Variants in RPGR observed in about 807,000 individuals in gnomAD.
RPGR encodes the protein X-linked retinitis pigmentosa GTPase regulator.
Under a neutral mutation model 56.3 loss-of-function variants are expected in RPGR, and 10 were observed. That is an observed-to-expected ratio of 0.18 (90% CI 0.11 to 0.30). RPGR has a LOEUF of 0.30. Among genes scored for constraint, RPGR ranks in the 10% least tolerant of loss-of-function variants. RPGR has a pLI of 1.00. For missense variants in RPGR, 538 were observed against 590.9 expected, an observed-to-expected ratio of 0.91 and a Z score of 0.93; for synonymous variants, 197 against 212.9, an observed-to-expected ratio of 0.93 and a Z score of 0.65.
At chrX:38,295,981 T>C (rs1314012347) in intron 11 of RPGR, 2 of 112,243 alleles carry the variant, frequency 1.8e-5, no homozygotes, top group Non-Finnish European at 3.8e-5. Context: ...GTTTTGAAAC[T>C]TACAGTAATT....
At position 38,304,573 on chromosome X, in the gene RPGR, A is replaced by C. The variant is rs765703868; in HGVS notation, c.934+62T>G. ...GTTAGATACATTCATTTCACATATA[A>C]TTTATTTTGTAATAAAATATACCCA... On this transcript the variant is annotated intron_variant, in intron 8 of 18. Transcript: ENST00000642395. 52 of 917,362 alleles carry C rather than the reference A, an allele frequency of 5.7e-5. No homozygotes were observed. The African/African-American group carries it at 9.7e-4, about 17-fold the overall frequency. The allele number at this position is 917,362 out of a possible 1,213,427, so 75.6% of individuals were successfully genotyped here.
At chrX:38,316,014 T>C (rs989495958) in intron 6 of RPGR, among the ~76,000 whole-genome samples, 1 of 110,918 alleles carries the variant, frequency 9.0e-6, no homozygotes, top group Admixed American at 9.7e-5. Flanking sequence ...TCCTCTATCA[T>C]GAAATACATA....
chrX:38,283,959 C>T (rs2067079741), intron 15 of RPGR, among the ~76,000 whole-genome samples: 3 of 111,625 alleles, frequency 2.7e-5, no homozygotes, highest in South Asian at 7.5e-4. Flanking sequence ...TGGTCGAATT[C>T]GGTAAAGCAA....
At chrX:38,317,923 A>G (rs1288975927) in intron 5 of RPGR, 1 of 113,883 alleles carries the variant, frequency 8.8e-6, no homozygotes, top group African/African-American at 3.2e-5. Context: ...AAAAAAGAAC[A>G]GAAGAAACGT....
chrX:38,317,276 G>C (rs1388050503), intron 6 of RPGR, 40 bp downstream of exon 6: 3 of 1,138,378 alleles, frequency 2.6e-6, no homozygotes, highest in Non-Finnish European at 3.6e-6. Flanking sequence ...TAACAACATA[G>C]AAGTGGGAGA....
At position 38,273,290 on chromosome X, in the gene RPGR, C is replaced by T. The variant is rs1156930526; in HGVS notation, c.2241+96G>A. 2.4e-5 allele frequency: 16 copies of T among 668,867 alleles called. No individual in the cohort carries two copies. In the East Asian group the frequency reaches 4.6e-4, roughly 19 times the overall value. The allele number at this position is 668,867 out of a possible 1,213,427, so 55.1% of individuals were successfully genotyped here. A position where few individuals can be genotyped will look rare whatever the true frequency, so the allele number is the denominator to read the frequency against. The stretch of plus-strand genomic sequence containing the variant: ...TTCAGGTTTTGGGGCCATGAAAACT[C>T]ATATTAAGAGAGTTAAATTATGTGG... On this transcript the variant is annotated intron_variant, in intron 18 of 18. Coordinates refer to ENST00000642395, the MANE Select transcript of RPGR (RefSeq NM_000328.3).
chrX:38,269,742 G>T lies in RPGR; in HGVS notation c.2332C>A (p.Gln778Lys), dbSNP rs1555958965. ...TTATTATCACTTTTTAAAATGATCT[G>T]GTCTCCTATGGATTTTATCTCTGGG... The change falls in exon 19 of 19, where the codon CAG (glutamine) becomes AAG (lysine). Residue 778 changes from glutamine (Q) to lysine (K), a missense_variant. By Grantham distance (53) the Gln-to-Lys change is moderately conservative (BLOSUM62 1). This residue lies in a region of RPGR where 357 missense variants were observed against 325.8 expected (regional missense o/e 1.10). Transcript: ENST00000642395. The T allele has an allele frequency of 5.8e-6, 7 of 1,205,745 alleles. No individual in the cohort carries two copies. In the East Asian group the frequency reaches 2.1e-4, roughly 36 times the overall value.
At chrX:38,311,361 C>T (rs1411943120) in intron 6 of RPGR, among the ~76,000 whole-genome samples, 2 of 112,259 alleles carry the variant, frequency 1.8e-5, no homozygotes, top group Non-Finnish European at 3.8e-5. Flanking sequence ...ATTTATCACA[C>T]TGTATTATGA....
chrX:38,321,164 A>T, intron 3 of RPGR, 75 bp from the exon 4 acceptor site: 1 of 761,212 alleles, frequency 1.3e-6, no homozygotes, highest in Non-Finnish European at 2.0e-6. Flanking sequence ...ATGGTAACTA[A>T]GTGATAGAAC....
At chrX:38,276,502 G>T in intron 16 of RPGR, 1 of 943,709 alleles carries the variant, frequency 1.1e-6, no homozygotes, top group Non-Finnish European at 1.5e-6. Context: ...GATCCCAAAG[G>T]CAACTGGAAT....
intron 6 of RPGR, among the ~76,000 whole-genome samples, chrX:38,314,312 C>T (rs1353014186): frequency 1.8e-5 from 2 of 111,036 alleles, no homozygotes; most frequent in Non-Finnish European, 1.9e-5. Context: ...ACATTTATCA[C>T]AAAGAATAAA....
At chrX:38,283,874 C>T (rs79088589) in intron 15 of RPGR, among the ~76,000 whole-genome samples, 9,367 of 111,011 alleles carry the variant, frequency 0.084, 382 homozygotes, top group South Asian at 0.14. Context: ...TTTAAATCTA[C>T]TTTTTAAATA....
In RPGR at chrX:38,318,938, C is replaced by T. The variant is rs886154351; in HGVS notation, c.360G>A (p.Gly120=). The stretch of plus-strand genomic sequence containing the variant: ...TGTTTCTTTCTTCGGTGTCACCAAG[C>T]CCCAACTGTCCTTCATTATTTCCAC... Residue 120 remains glycine (G), a synonymous_variant, in exon 5 of 19, where the codon GGG becomes GGA. Transcript: ENST00000642395. 3.3e-6 allele frequency: 4 copies of T among 1,210,311 alleles called. No homozygotes were observed. The African/African-American group carries it at 7.0e-5, about 21-fold the overall frequency.
In RPGR at chrX:38,327,404, G is replaced by A. The variant is rs773984408; in HGVS notation, c.-37C>T. 28 of 1,154,776 alleles carry A rather than the reference G, an allele frequency of 2.4e-5. No homozygotes were observed. Among genetic ancestry groups the A allele is most frequent in the African/African-American group, 1.1e-4 (6 of 55,686 alleles). On this transcript the variant is annotated 5_prime_UTR_variant, in exon 1 of 19. Transcript: ENST00000642395. Reference sequence around the variant, plus strand: ...TACGGGCAGCCTGCGCCGGGGCCAGGAGGCTGTAGAGGACGGTTTGGTCGG... The same window carrying A: ...TACGGGCAGCCTGCGCCGGGGCCAGAAGGCTGTAGAGGACGGTTTGGTCGG...
intron 17 of RPGR, chrX:38,275,024 T>C (rs1236224799): frequency 4.4e-6 from 4 of 905,836 alleles, no homozygotes; most frequent in Non-Finnish European, 6.4e-6. Context: ...AATTATGGCA[T>C]ACATACACAT....
intron 15 of RPGR, among the ~76,000 whole-genome samples, chrX:38,278,442 T>C (rs994645225): frequency 2.7e-5 from 3 of 112,036 alleles, no homozygotes; most frequent in Non-Finnish European, 3.8e-5. Context: ...GGTTTCGCCA[T>C]GTTGGCCAGG....
At chrX:38,290,142 A>G (rs1286761602) in intron 13 of RPGR, among the ~76,000 whole-genome samples, 2 of 112,514 alleles carry the variant, frequency 1.8e-5, no homozygotes, top group Non-Finnish European at 3.7e-5. Flanking sequence ...CTTGCACTTC[A>G]GTGACTTCAA....
At chrX:38,297,773 T>C (rs2067416913) in intron 10 of RPGR, among the ~76,000 whole-genome samples, 1 of 111,700 alleles carries the variant, frequency 9.0e-6, no homozygotes, top group African/African-American at 3.3e-5. Flanking sequence ...AAAACACTGA[T>C]GGGGTATTTC....
Position 38,301,295 on chromosome X carries a change from G to C in RPGR, c.1011C>G (p.His337Gln). ...AATTAGAGCACAAAGTAGGAATGAAGTGATTGGTAAAATTCTCCAGTCCAA... is the reference window on the plus strand; with the variant it reads ...AATTAGAGCACAAAGTAGGAATGAACTGATTGGTAAAATTCTCCAGTCCAA... The change falls in exon 9 of 19, where the codon CAC becomes CAG. Residue 337 changes from histidine to glutamine, a missense_variant. Coordinates refer to ENST00000642395, the MANE Select transcript of RPGR (RefSeq NM_000328.3). 1 of 1,204,458 alleles carries C rather than the reference G, an allele frequency of 8.3e-7. No individual in the cohort carries two copies. The highest frequency in any genetic ancestry group is 1.7e-5 in the African/African-American group (1 of 57,693).
Sources: gnomAD v4.1 joint callset for allele counts (sites outside exome capture counted in the v4.1 genomes callset) on GRCh38, gnomAD v4.1.1 for gene constraint, gnomAD v4.1.1 regional missense constraint, MANE v1.5 for transcripts, NCBI Gene and HGNC (gene_info 2026-07-23, HGNC 2026-07-21) for gene names.